ZEB1: variants seen among roughly 807,000 people sequenced by gnomAD.
The protein encoded by ZEB1 is zinc finger E-box binding homeobox 1.
Under a neutral mutation model 84.9 loss-of-function variants are expected in ZEB1, and 21 were observed. The ratio of observed to expected loss-of-function variants is 0.25; its 90% CI spans 0.18 to 0.36. The LOEUF is 0.36. Among genes scored for constraint, ZEB1 ranks in the 10% least tolerant of loss-of-function variants. ZEB1 has a pLI of 1.00. For missense variants in ZEB1, 1,104 were observed against 1,330.2 expected, an observed-to-expected ratio of 0.83 and a Z score of 2.65; for synonymous variants, 420 against 471.1, an observed-to-expected ratio of 0.89 and a Z score of 1.41.
In ZEB1 at chr10:31,387,793, T is replaced by G. The variant is rs138478008; in HGVS notation, c.58+68501T>G. 337 of 982,520 alleles carry G rather than the reference T, an allele frequency of 3.4e-4. 1 individual carries two copies. In the African/African-American group the frequency reaches 5.1e-3, roughly 15 times the overall value. 60.9% of individuals were successfully genotyped at this position (982,520 alleles called of 1,614,324 possible). ...GTGGAAGCAAAGGTCATCTAATCTTTAAAAGGTATGTAATCATAAAATTTT... is the reference window on the plus strand; with the variant it reads ...GTGGAAGCAAAGGTCATCTAATCTTGAAAAGGTATGTAATCATAAAATTTT... On this transcript the variant is annotated intron_variant, in intron 1 of 8. Coordinates refer to ENST00000424869, the MANE Select transcript of ZEB1 (RefSeq NM_001174096.2).
At chr10:31,339,789 T>C (rs2038994195) in intron 1 of ZEB1, among the ~76,000 whole-genome samples, 1 of 151,168 alleles carries the variant, frequency 6.6e-6, no homozygotes, top group Non-Finnish European at 1.5e-5. Context: ...AAAACCTATA[T>C]AAAATAGTTT....
chr10:31,404,318 A>G (rs1220589804), intron 1 of ZEB1, among the ~76,000 whole-genome samples: 4 of 151,788 alleles, frequency 2.6e-5, no homozygotes, highest in South Asian at 4.2e-4. Flanking sequence ...TAATTAATGT[A>G]GGCCTCTGCT....
rs548951108 is a variant in ZEB1 at position 31,355,567 on chromosome 10, G to A, written c.58+36275G>A. 1.2e-4 allele frequency among the ~76,000 whole-genome samples: 19 copies of A among 152,266 alleles called. No homozygotes were observed. In the South Asian group the frequency reaches 2.7e-3, roughly 22 times the overall value. ...CGGACTTAACCTGCTCTGGGATGGT[G>A]GGGGAGTGTTGAATGTGAACTGAGG... On this transcript the variant is annotated intron_variant, in intron 1 of 8. Transcript: ENST00000424869.
chr10:31,355,327 G>T (rs2041944396), intron 1 of ZEB1: 1 of 152,102 alleles, frequency 6.6e-6, no homozygotes, highest in African/African-American at 2.4e-5. Flanking sequence ...TCATTTATCT[G>T]TGGGTTTGAT....
At chr10:31,418,951 C>CA (rs917058850) in intron 1 of ZEB1, among the ~76,000 whole-genome samples, 34 of 150,898 alleles carry the variant, frequency 2.3e-4, no homozygotes, top group East Asian at 3.9e-4. Context: ...TGTACATATT[C>CA]AAAAAAAAAT....
intron 1 of ZEB1, among the ~76,000 whole-genome samples, chr10:31,416,035 G>A (rs972381950): frequency 2.0e-5 from 3 of 151,972 alleles, no homozygotes; most frequent in African/African-American, 4.8e-5. Context: ...ATCTTTGCTG[G>A]TATAAAAATG....
chr10:31,347,945 A>G (rs1416211495), intron 1 of ZEB1, among the ~76,000 whole-genome samples: 2 of 152,158 alleles, frequency 1.3e-5, no homozygotes, highest in Non-Finnish European at 2.9e-5. Context: ...TAGTGGGGAC[A>G]TTTTGCAAAG....
At chr10:31,382,089 T>C (rs1022535536) in intron 1 of ZEB1, among the ~76,000 whole-genome samples, 1 of 147,230 alleles carries the variant, frequency 6.8e-6, no homozygotes, top group Admixed American at 6.9e-5. Flanking sequence ...TCAAGAGACA[T>C]GGCCTGGATC....
chr10:31,375,173 G>A (rs192077641), intron 1 of ZEB1, among the ~76,000 whole-genome samples: 5 of 150,762 alleles, frequency 3.3e-5, no homozygotes, highest in African/African-American at 7.3e-5. Context: ...CTTCATCTCC[G>A]CAGTGACTTC....
intron 2 of ZEB1, among the ~76,000 whole-genome samples, chr10:31,475,804 GA>G (rs1242126754): frequency 1.3e-5 from 2 of 151,986 alleles, no homozygotes; most frequent in East Asian, 3.9e-4. Context: ...ACATGGCAAT[GA>G]AAGGATAATA....
At chr10:31,501,690 T>C (rs977920555) in intron 3 of ZEB1, among the ~76,000 whole-genome samples, 3 of 152,148 alleles carry the variant, frequency 2.0e-5, no homozygotes, top group Non-Finnish European at 2.9e-5. Context: ...TAAATACTTA[T>C]ATATACTATA....
chr10:31,462,302 G>T (rs776086757), intron 2 of ZEB1, among the ~76,000 whole-genome samples: 1 of 152,200 alleles, frequency 6.6e-6, no homozygotes, highest in African/African-American at 2.4e-5. Flanking sequence ...TCATTTTATA[G>T]TGTTGTTCAT....
At chr10:31,464,904 C>CT (rs776193553) in intron 2 of ZEB1, among the ~76,000 whole-genome samples, 31 of 152,078 alleles carry the variant, frequency 2.0e-4, no homozygotes, top group Non-Finnish European at 4.4e-4. Context: ...CAAAAGAACA[C>CT]TAATTAGCAA....
chr10:31,401,580 C>T (rs4295950), intron 1 of ZEB1, among the ~76,000 whole-genome samples: 5,045 of 152,132 alleles, frequency 0.033, 270 homozygotes, highest in African/African-American at 0.11. Flanking sequence ...TAGTGTTTCT[C>T]GCAGATAAAA....
intron 1 of ZEB1, chr10:31,362,814 A>G (rs1169516929): frequency 1.2e-6 from 1 of 855,560 alleles, no homozygotes; most frequent in Non-Finnish European, 1.9e-6. Flanking sequence ...GGCATGAGCC[A>G]CCACGCCTGC....
intron 2 of ZEB1, among the ~76,000 whole-genome samples, chr10:31,475,075 G>C (rs2063896145): frequency 1.3e-5 from 2 of 151,340 alleles, no homozygotes; most frequent in African/African-American, 4.9e-5. Flanking sequence ...GTGGGGCGGG[G>C]GGGAGGGATA....
At chr10:31,501,405 A>G (rs2068100433) in intron 3 of ZEB1, among the ~76,000 whole-genome samples, 1 of 152,222 alleles carries the variant, frequency 6.6e-6, no homozygotes. Context: ...CCACAGTTAA[A>G]CATTTACTGA....
At chr10:31,446,370 G>C (rs2059779696) in intron 1 of ZEB1, among the ~76,000 whole-genome samples, 1 of 151,978 alleles carries the variant, frequency 6.6e-6, no homozygotes, top group Admixed American at 6.5e-5. Flanking sequence ...CCAGCTCCTG[G>C]ATTCATTGAT....
At chr10:31,334,160 T>C (rs1328471521) in intron 1 of ZEB1, among the ~76,000 whole-genome samples, 1 of 152,074 alleles carries the variant, frequency 6.6e-6, no homozygotes, top group Non-Finnish European at 1.5e-5. Context: ...ATGATTTTAA[T>C]AACAGGACTT....
Sources: gnomAD v4.1 joint callset for allele counts (sites outside exome capture counted in the v4.1 genomes callset) on GRCh38, gnomAD v4.1.1 for gene constraint, MANE v1.5 for transcripts, NCBI Gene and HGNC (gene_info 2026-07-23, HGNC 2026-07-21) for gene names.